PCDHGA4: variants seen among roughly 807,000 people sequenced by gnomAD.
PCDHGA4 encodes protocadherin gamma-A4.
A neutral mutation model predicts 54.6 loss-of-function variants in PCDHGA4; 38 were observed. The ratio of observed to expected loss-of-function variants is 0.70; its 90% CI spans 0.54 to 0.91. The LOEUF (loss-of-function observed/expected upper bound fraction) is 0.91, where lower values mean the gene tolerates loss of function less well. PCDHGA4 is among the 40% of genes least tolerant of loss of function. The probability of loss-of-function intolerance (pLI) is 0.00; values close to 1 mark genes in which losing one functional copy is unlikely to be tolerated. For synonymous variants in PCDHGA4, 511 were observed against 512.9 expected (o/e 1.00, Z 0.05); for missense variants, 1,298 against 1,220.9 (o/e 1.06, Z -0.94).
At chr5:141,415,879 T>C (rs1002596454) in intron 1 of PCDHGA4, 1 of 1,003,176 alleles carries the variant, frequency 1.0e-6, no homozygotes, top group African/African-American at 1.7e-5. Context: ...TTGAGTACAA[T>C]ATTGACAATT....
rs144804989 is a variant in PCDHGA4 at position 141,489,791 on chromosome 5, C to T, written c.2515-5016C>T. 1.9e-6 allele frequency: 3 copies of T among 1,614,056 alleles called. No individual in the cohort carries two copies. Among genetic ancestry groups the T allele is most frequent in the Admixed American group, 1.7e-5 (1 of 60,010 alleles). Reference sequence around the variant, plus strand: ...AGCCACTTCTCTCTGAATGTGAAGACCCTAAAAGATGGGAAGCCATTCCCA... The same window carrying T: ...AGCCACTTCTCTCTGAATGTGAAGATCCTAAAAGATGGGAAGCCATTCCCA... On this transcript the variant is annotated intron_variant, in intron 1 of 3. Transcript: ENST00000571252. This position sits in a 1 kb window ranked among gnomAD's most constrained non-coding sequence, Gnocchi z 4.5.
chr5:141,481,065 AAAAG>A (rs1476331686), intron 1 of PCDHGA4, among the ~76,000 whole-genome samples: 1 of 152,164 alleles, frequency 6.6e-6, no homozygotes, highest in Non-Finnish European at 1.5e-5. Flanking sequence ...CTCAAAAACA[AAAAG>A]AAAGAAAGAA....
chr5:141,501,945 T>C (rs1318749969), intron 2 of PCDHGA4, among the ~76,000 whole-genome samples: 1 of 152,106 alleles, frequency 6.6e-6, no homozygotes, highest in Non-Finnish European at 1.5e-5. Context: ...CACTGCTCCC[T>C]GTGACAGGTC....
rs751874380 is a variant in PCDHGA4 at position 141,486,055 on chromosome 5, C to A, written c.2515-8752C>A. ...CTGATCGTGTAAGAAACCTCTTTAG[C>A]CTGCACCCCACTACTGGAAAGCTTA... On this transcript the variant is annotated intron_variant, in intron 1 of 3. Transcript: ENST00000571252. The surrounding 1 kb of genome is among the most constrained non-coding windows in gnomAD (Gnocchi z 5.0). The A allele has an allele frequency of 6.2e-7, 1 of 1,614,170 alleles. No individual in the cohort carries two copies. Among genetic ancestry groups the A allele is most frequent in the South Asian group, 1.1e-5 (1 of 91,072 alleles).
intron 1 of PCDHGA4, chr5:141,374,687 C>G (rs1443411888): frequency 6.2e-7 from 1 of 1,609,446 alleles, no homozygotes; most frequent in African/African-American, 1.3e-5. Context: ...CACACTGGAC[C>G]GGGAAGGAGA....
chr5:141,409,000 C>A, intron 1 of PCDHGA4: 4 of 1,613,950 alleles, frequency 2.5e-6, no homozygotes, highest in Non-Finnish European at 3.4e-6. Flanking sequence ...AAGTGACAGC[C>A]ACTGACCAGG....
At chr5:141,433,358 C>CCTAA (rs1554125965) in intron 1 of PCDHGA4, 1 of 503,368 alleles carries the variant, frequency 2.0e-6, no homozygotes, top group Non-Finnish European at 3.5e-6. Flanking sequence ...CTACTGTCTG[C>CCTAA]CTATCTATCT....
In PCDHGA4 at chr5:141,423,305, A is replaced by G. The variant is rs746680027; in HGVS notation, c.2514+65684A>G. On this transcript the variant is annotated intron_variant, in intron 1 of 3. Coordinates refer to ENST00000571252, the MANE Select transcript of PCDHGA4 (RefSeq NM_018917.4). Reference sequence around the variant, plus strand: ...TCTGAAACCTCAGACCTCTCGCTGTACTTGGTGGTGGCGGTGGCCGCAGTC... The same window carrying G: ...TCTGAAACCTCAGACCTCTCGCTGTGCTTGGTGGTGGCGGTGGCCGCAGTC... 23 of 1,613,944 alleles carry G rather than the reference A, an allele frequency of 1.4e-5. No individual in the cohort carries two copies. Among genetic ancestry groups the G allele is most frequent in the Non-Finnish European group, 1.9e-5 (22 of 1,180,004 alleles).
chr5:141,394,918 G>A, intron 1 of PCDHGA4: 1 of 1,613,812 alleles, frequency 6.2e-7, no homozygotes, highest in Non-Finnish European at 8.5e-7. Context: ...GCCATCTCCT[G>A]TGTCTTCCTC....
intron 1 of PCDHGA4, chr5:141,384,375 C>T (rs190245807): frequency 6.2e-7 from 1 of 1,613,912 alleles, no homozygotes; most frequent in South Asian, 1.1e-5. Flanking sequence ...ATTCCTTGGC[C>T]GAAGACACCA....
At chr5:141,443,137 A>G (rs1202995621) in intron 1 of PCDHGA4, among the ~76,000 whole-genome samples, 1 of 152,174 alleles carries the variant, frequency 6.6e-6, no homozygotes, top group Non-Finnish European at 1.5e-5. Flanking sequence ...GAACACTATC[A>G]TAAGTTATAC....
intron 3 of PCDHGA4, among the ~76,000 whole-genome samples, chr5:141,508,789 A>C: frequency 1.4e-5 from 2 of 145,944 alleles, no homozygotes; most frequent in African/African-American, 2.6e-5. Context: ...CCCCTAAATC[A>C]CTCTGGAATC....
chr5:141,399,143 A>G (rs750976328), intron 1 of PCDHGA4: 12 of 1,613,780 alleles, frequency 7.4e-6, no homozygotes, highest in Admixed American at 3.3e-5. Context: ...GAAAATGACA[A>G]TAGCCCAGAA....
intron 1 of PCDHGA4, chr5:141,391,548 C>T (rs1045663791): frequency 6.6e-6 from 1 of 152,106 alleles, no homozygotes; most frequent in African/African-American, 2.4e-5. Flanking sequence ...ATTGTCTACC[C>T]AGTTTTCCAT....
intron 1 of PCDHGA4, chr5:141,361,092 C>T (rs377144808): frequency 6.2e-7 from 1 of 1,613,938 alleles, no homozygotes; most frequent in Non-Finnish European, 8.5e-7. Flanking sequence ...CTCTGAGTAT[C>T]GAAGCAAAAG....
At chr5:141,396,562 G>C (rs2150669769) in intron 1 of PCDHGA4, 1 of 152,144 alleles carries the variant, frequency 6.6e-6, no homozygotes, top group South Asian at 2.1e-4. Context: ...GGAGGTTGCA[G>C]TGAGCCTCGA....
At chr5:141,474,241 G>A (rs1367530484) in intron 1 of PCDHGA4, among the ~76,000 whole-genome samples, 8 of 151,928 alleles carry the variant, frequency 5.3e-5, no homozygotes, top group East Asian at 1.9e-4. Context: ...TGCTGAATAG[G>A]GGAAAAAAAG....
intron 1 of PCDHGA4, among the ~76,000 whole-genome samples, chr5:141,454,209 T>A (rs2098783885): frequency 6.6e-6 from 1 of 152,088 alleles, no homozygotes; most frequent in South Asian, 2.1e-4. Flanking sequence ...TTTATTGACA[T>A]GAATGAGAAA....
In PCDHGA4 at chr5:141,431,211, G is replaced by A. The variant is rs1054638121; in HGVS notation, c.2515-63596G>A. The A allele has an allele frequency of 6.2e-7, 1 of 1,614,004 alleles. No individual in the cohort carries two copies. The highest frequency in any genetic ancestry group is 1.7e-5 in the Admixed American group (1 of 60,006). ...AGTGAAAATGCAGCCACTGAGATGC[G>A]GTTCCCTCTACCCCACGCCTGGGAT... On this transcript the variant is annotated intron_variant, in intron 1 of 3. Coordinates refer to ENST00000571252, the MANE Select transcript of PCDHGA4 (RefSeq NM_018917.4). This position sits in a 1 kb window ranked among gnomAD's most constrained non-coding sequence, Gnocchi z 4.8.
Sources: allele counts gnomAD v4.1 joint callset (sites outside exome capture counted in the v4.1 genomes callset), GRCh38; gene constraint gnomAD v4.1.1; non-coding constraint Gnocchi (gnomAD v3.1); transcripts MANE v1.5; gene names NCBI Gene and HGNC (gene_info 2026-07-23, HGNC 2026-07-21).